KIRREL3: variants seen among roughly 807,000 people sequenced by gnomAD.
KIRREL3 encodes the protein kin of IRRE-like protein 3.
KIRREL3 carries 36 observed loss-of-function variants against 89.7 expected under a neutral mutation model. The ratio of observed to expected loss-of-function variants is 0.40; its 90% CI spans 0.31 to 0.53. The LOEUF is 0.53. Among genes scored for constraint, KIRREL3 ranks in the 20% least tolerant of loss-of-function variants. The pLI is 0.49. For missense variants in KIRREL3, 864 were observed against 1,056.6 expected, an observed-to-expected ratio of 0.82 and a Z score of 2.53; for synonymous variants, 445 against 441.4, an observed-to-expected ratio of 1.01 and a Z score of -0.10.
In KIRREL3 at chr11:126,551,380, C is replaced by T. The variant is rs900409908; in HGVS notation, c.133+11455G>A. ...CGGAGAGAGATCCTGTTTCCCGAGG[C>T]CTGCCCCTGAGGCCTAACACACCCA... is the stretch of plus-strand genomic sequence containing the variant. On this transcript the variant is annotated intron_variant, in intron 2 of 16. Coordinates refer to ENST00000525144, the MANE Select transcript of KIRREL3 (RefSeq NM_032531.4). The surrounding 1 kb of genome is among the most constrained non-coding windows in gnomAD (Gnocchi z 4.9). Among the ~76,000 whole-genome samples, 1 of 152,148 alleles carries T rather than the reference C, an allele frequency of 6.6e-6. No individual in the cohort carries two copies. The highest frequency in any genetic ancestry group is 1.5e-5 in the Non-Finnish European group (1 of 68,020).
intron 1 of KIRREL3, among the ~76,000 whole-genome samples, chr11:126,980,101 A>G (rs1203177848): frequency 3.3e-5 from 5 of 152,238 alleles, no homozygotes; most frequent in Non-Finnish European, 4.4e-5. Context: ...ACAGGAAATC[A>G]CTACACAGAG....
chr11:126,621,197 C>T (rs1238204951), intron 1 of KIRREL3, among the ~76,000 whole-genome samples: 2 of 152,170 alleles, frequency 1.3e-5, no homozygotes, highest in African/African-American at 4.8e-5. Context: ...AGAGTTTAAT[C>T]TTCATTTGAC....
intron 1 of KIRREL3, among the ~76,000 whole-genome samples, chr11:126,706,666 T>C (rs1298248553): frequency 2.6e-5 from 4 of 152,220 alleles, no homozygotes; most frequent in African/African-American, 7.2e-5. Flanking sequence ...TCATCTTCGG[T>C]TGTGTAATAA....
chr11:126,499,943 T>A lies in KIRREL3; in HGVS notation c.433+21372A>T, dbSNP rs557848437. 1.9e-3 allele frequency among the ~76,000 whole-genome samples: 286 copies of A among 152,334 alleles called. 2 individuals are homozygous for A. Among genetic ancestry groups the A allele is most frequent in the Middle Eastern group, 0.01 (3 of 294 alleles). ...CTCCTTGAGGGCACAGAGGGCATTT[T>A]GCTATTTCTGCATCTTCCCATTGGG... On this transcript the variant is annotated intron_variant, in intron 4 of 16. Coordinates refer to ENST00000525144, the MANE Select transcript of KIRREL3 (RefSeq NM_032531.4).
intron 1 of KIRREL3, among the ~76,000 whole-genome samples, chr11:126,815,059 T>C (rs898846060): frequency 6.6e-6 from 1 of 152,154 alleles, no homozygotes; most frequent in Non-Finnish European, 1.5e-5. Flanking sequence ...GTTGATCCAT[T>C]CTTTTGGGTG....
Position 126,701,949 on chromosome 11 carries a change from G to A in KIRREL3, c.56-139037C>T, listed in dbSNP as rs535206789. On this transcript the variant is annotated intron_variant, in intron 1 of 16. Coordinates refer to ENST00000525144, the MANE Select transcript of KIRREL3 (RefSeq NM_032531.4). ...CGATGTGTCATTAACTTGCTGTGTG[G>A]TCTTGAGCAAGTTACTTAAGATTTG... is the stretch of plus-strand genomic sequence containing the variant. Among the ~76,000 whole-genome samples, 6 of 152,256 alleles carry A rather than the reference G, an allele frequency of 3.9e-5. No individual in the cohort carries two copies. The South Asian group carries it at 1.2e-3, about 32-fold the overall frequency.
Position 126,766,626 on chromosome 11 carries a change from A to G in KIRREL3, c.56-203714T>C, listed in dbSNP as rs1949832705. The stretch of plus-strand genomic sequence containing the variant: ...GTGGCGCCAGTAGTATCATTCCATT[A>G]CCATTTCCTCAAATGGGGAGTGTAC... On this transcript the variant is annotated intron_variant, in intron 1 of 16. Coordinates refer to ENST00000525144, the MANE Select transcript of KIRREL3 (RefSeq NM_032531.4). The surrounding 1 kb of genome is among the most constrained non-coding windows in gnomAD (Gnocchi z 4.2). Among the ~76,000 whole-genome samples the G allele has an allele frequency of 6.6e-6, 1 of 151,864 alleles. No homozygotes were observed. The highest frequency in any genetic ancestry group is 2.4e-5 in the African/African-American group (1 of 41,330).
intron 7 of KIRREL3, 32 bp downstream of exon 7, chr11:126,456,316 GC>G: frequency 6.9e-7 from 1 of 1,449,724 alleles, no homozygotes; most frequent in Non-Finnish European, 9.5e-7. Context: ...GGGGCCAGTG[GC>G]CAGGCCGGGC....
rs1948390780 is a variant in KIRREL3 at position 126,940,353 on chromosome 11, T to C, written c.55+60102A>G. 1 of 152,222 alleles carries C rather than the reference T, an allele frequency of 6.6e-6. No individual in the cohort carries two copies. The highest frequency in any genetic ancestry group is 1.5e-5 in the Non-Finnish European group (1 of 68,050). The allele number at this position is 152,222 out of a possible 1,614,324, so 9.4% of individuals were successfully genotyped here. On this transcript the variant is annotated intron_variant, in intron 1 of 16. Coordinates refer to ENST00000525144, the MANE Select transcript of KIRREL3 (RefSeq NM_032531.4). The surrounding 1 kb of genome is among the most constrained non-coding windows in gnomAD (Gnocchi z 4.6). ...AGCAGGGTTCCAGATAATAAAAAGA[T>C]TTATAATTACGCCAGTAGATTTACT... is the stretch of plus-strand genomic sequence containing the variant.
rs1394795460 is a variant in KIRREL3, at chr11:126,651,425, C to T, written c.56-88513G>A. Among the ~76,000 whole-genome samples the T allele has an allele frequency of 6.6e-6, 1 of 152,194 alleles. No homozygotes were observed. Among genetic ancestry groups the T allele is most frequent in the Non-Finnish European group, 1.5e-5 (1 of 68,044 alleles). ...CATGCTCTTTCCAGATATCAGTGGA[C>T]AGCATCCAGGGGGGCAGAGTCAGTG... On this transcript the variant is annotated intron_variant, in intron 1 of 16. Coordinates refer to ENST00000525144, the MANE Select transcript of KIRREL3 (RefSeq NM_032531.4). This position sits in a 1 kb window ranked among gnomAD's most constrained non-coding sequence, Gnocchi z 4.6.
intron 1 of KIRREL3, among the ~76,000 whole-genome samples, chr11:126,794,416 G>A (rs76383887): frequency 0.026 from 3,904 of 152,204 alleles, 164 homozygotes; most frequent in African/African-American, 0.086. Context: ...TGCTCTGAGC[G>A]CTTCGTATAA....
rs1358272685 is a variant in KIRREL3, at chr11:126,551,995, C to T, written c.133+10840G>A. 6.6e-6 allele frequency among the ~76,000 whole-genome samples: 1 copy of T among 152,202 alleles called. No homozygotes were observed. The highest frequency in any genetic ancestry group is 1.5e-5 in the Non-Finnish European group (1 of 68,030). ...AAAAGATTCCAAAACCAGGAGTGGT[C>T]CCAGCAAACACAGCTTCCCCCTTCC... On this transcript the variant is annotated intron_variant, in intron 2 of 16. Transcript: ENST00000525144. The surrounding 1 kb of genome is among the most constrained non-coding windows in gnomAD (Gnocchi z 4.9).
chr11:126,941,160 C>T (rs1295081020), intron 1 of KIRREL3, among the ~76,000 whole-genome samples: 1 of 152,132 alleles, frequency 6.6e-6, no homozygotes, highest in African/African-American at 2.4e-5. Flanking sequence ...CATAAAAATA[C>T]TAGATCTTAC....
At chr11:126,857,154 C>T (rs921133487) in intron 1 of KIRREL3, among the ~76,000 whole-genome samples, 6 of 152,298 alleles carry the variant, frequency 3.9e-5, no homozygotes, top group Middle Eastern at 6.8e-3. Flanking sequence ...ACATGAAGCC[C>T]AGTGGGGTGA....
rs1162384031 is a variant in KIRREL3, at chr11:126,867,152, T to C, written c.55+133303A>G. The stretch of plus-strand genomic sequence containing the variant: ...CCTTGGGGTTGGAGCCCAAAAAACG[T>C]TCCCCACAATCTGCCTGTCTGCCTG... On this transcript the variant is annotated intron_variant, in intron 1 of 16. Coordinates refer to ENST00000525144, the MANE Select transcript of KIRREL3 (RefSeq NM_032531.4). This position sits in a 1 kb window ranked among gnomAD's most constrained non-coding sequence, Gnocchi z 4.7. Among the ~76,000 whole-genome samples the C allele has an allele frequency of 1.3e-5, 2 of 152,184 alleles. No individual in the cohort carries two copies. The highest frequency in any genetic ancestry group is 4.8e-5 in the African/African-American group (2 of 41,456).
At chr11:126,864,798 C>G (rs1419129727) in intron 1 of KIRREL3, among the ~76,000 whole-genome samples, 1 of 152,168 alleles carries the variant, frequency 6.6e-6, no homozygotes, top group African/African-American at 2.4e-5. Flanking sequence ...GCTGATGGAG[C>G]TAGGATTCAA....
intron 1 of KIRREL3, among the ~76,000 whole-genome samples, chr11:126,921,650 G>C (rs1297359241): frequency 3.2e-5 from 4 of 124,776 alleles, no homozygotes; most frequent in Admixed American, 8.1e-5. Context: ...ATCTTCCTGT[G>C]TTCCTATCTA....
intron 1 of KIRREL3, among the ~76,000 whole-genome samples, chr11:126,945,582 AG>A (rs1237981091): frequency 6.6e-6 from 1 of 152,170 alleles, no homozygotes; most frequent in Non-Finnish European, 1.5e-5. Flanking sequence ...TGATGCCTTC[AG>A]GGGAAGCTGC....
At chr11:126,845,942 G>T (rs1565346801) in intron 1 of KIRREL3, among the ~76,000 whole-genome samples, 1 of 151,926 alleles carries the variant, frequency 6.6e-6, no homozygotes, top group East Asian at 1.9e-4. Flanking sequence ...TGTTTGGGGG[G>T]AAAAAACACA....
Sources: gnomAD v4.1 joint callset for allele counts (sites outside exome capture counted in the v4.1 genomes callset) on GRCh38, gnomAD v4.1.1 for gene constraint, Gnocchi (gnomAD v3.1) non-coding constraint, MANE v1.5 for transcripts, NCBI Gene and HGNC (gene_info 2026-07-23, HGNC 2026-07-21) for gene names.